MTUS2: variants seen among roughly 807,000 people sequenced by gnomAD.
MTUS2 encodes the protein microtubule associated scaffold protein 2.
A neutral mutation model predicts 114.1 loss-of-function variants in MTUS2; 40 were observed. The observed-to-expected ratio is 0.35, with a 90% CI of 0.27 to 0.46. The LOEUF is 0.46. Among genes scored for constraint, MTUS2 ranks in the 20% least tolerant of loss-of-function variants. MTUS2 has a pLI of 1.00. For synonymous variants in MTUS2, 688 were observed against 672.0 expected (o/e 1.02, Z -0.37); for missense variants, 1,679 against 1,705.4 (o/e 0.98, Z 0.27).
chr13:28,842,538 A>G (rs1875579761), intron 2 of MTUS2, among the ~76,000 whole-genome samples: 1 of 152,334 alleles, frequency 6.6e-6, no homozygotes, highest in South Asian at 2.1e-4. Flanking sequence ...TAACAGAATG[A>G]TAGGTTTGAT....
Position 29,181,368 on chromosome 13 carries a change from C to T in MTUS2, c.2644+80398C>T, listed in dbSNP as rs918021336. Among the ~76,000 whole-genome samples the T allele has an allele frequency of 4.6e-5, 7 of 152,294 alleles. No homozygotes were observed. The East Asian group carries it at 1.2e-3, about 25-fold the overall frequency. On this transcript the variant is annotated intron_variant, in intron 5 of 15. Transcript: ENST00000612955. ...AGGGCTGAGGTGGGGGCAGTTGCTG[C>T]TTGTGTCACCACCCACCAAGGTTTC...
At chr13:28,870,103 A>G (rs188542408) in intron 2 of MTUS2, among the ~76,000 whole-genome samples, 205 of 152,300 alleles carry the variant, frequency 1.3e-3, no homozygotes, top group African/African-American at 4.4e-3. Flanking sequence ...CACTTCAAAT[A>G]TTTATTGTTC....
At chr13:29,075,464 C>T (rs1889149626) in intron 4 of MTUS2, among the ~76,000 whole-genome samples, 1 of 152,204 alleles carries the variant, frequency 6.6e-6, no homozygotes, top group African/African-American at 2.4e-5. Context: ...CTCAAGATCT[C>T]CTTTCAGTTA....
chr13:29,218,341 A>G (rs1230127450), intron 5 of MTUS2, among the ~76,000 whole-genome samples: 1 of 152,198 alleles, frequency 6.6e-6, no homozygotes, highest in Non-Finnish European at 1.5e-5. Context: ...TATTTCTACC[A>G]CACACAGTGA....
intron 2 of MTUS2, among the ~76,000 whole-genome samples, chr13:29,009,914 G>A (rs898246294): frequency 1.3e-5 from 2 of 151,888 alleles, no homozygotes; most frequent in Non-Finnish European, 2.9e-5. Flanking sequence ...GAGTGTGGAG[G>A]ATAAAAAGCT....
At chr13:29,149,310 G>T (rs1306822278) in intron 5 of MTUS2, among the ~76,000 whole-genome samples, 1 of 152,016 alleles carries the variant, frequency 6.6e-6, no homozygotes, top group African/African-American at 2.4e-5. Flanking sequence ...TTTGTTGGCC[G>T]CATGTATGTC....
intron 6 of MTUS2, among the ~76,000 whole-genome samples, chr13:29,315,768 G>A (rs1593293824): frequency 6.6e-6 from 1 of 152,226 alleles, no homozygotes; most frequent in East Asian, 1.9e-4. Flanking sequence ...TGAATAATAA[G>A]TGAGGTGAAG....
chr13:29,369,367 A>G (rs539113517), intron 8 of MTUS2, among the ~76,000 whole-genome samples: 2 of 152,310 alleles, frequency 1.3e-5, no homozygotes, highest in South Asian at 4.1e-4. Context: ...ACTCATGTCA[A>G]GTATTACCTT....
At position 29,497,344 on chromosome 13, in the gene MTUS2, C is replaced by T. The variant is rs1882618655; in HGVS notation, c.3678+8C>T. 6.2e-7 allele frequency: 1 copy of T among 1,607,778 alleles called. No individual in the cohort carries two copies. The highest frequency in any genetic ancestry group is 1.3e-5 in the African/African-American group (1 of 74,894). On this transcript the variant is annotated splice_region_variant and intron_variant, in intron 13 of 15. Coordinates refer to ENST00000612955, the MANE Select transcript of MTUS2 (RefSeq NM_001033602.4). ...ACAGAGGAGCAGCTGGAGGTCGTTT[C>T]TGGATTCCAGGCTTCCAGCCCCGCA...
chr13:28,973,029 T>C (rs1265152786), intron 2 of MTUS2, among the ~76,000 whole-genome samples: 10 of 152,206 alleles, frequency 6.6e-5, no homozygotes, highest in African/African-American at 2.4e-4. Flanking sequence ...TAGTTCTATT[T>C]TGTATGTTTA....
chr13:29,038,153 T>C (rs997204401), intron 4 of MTUS2, among the ~76,000 whole-genome samples: 5 of 152,256 alleles, frequency 3.3e-5, no homozygotes, highest in Non-Finnish European at 4.4e-5. Context: ...CATGGATTTA[T>C]CTACCTTTGT....
chr13:28,837,214 C>T (rs1353772501), intron 1 of MTUS2, among the ~76,000 whole-genome samples: 1 of 152,138 alleles, frequency 6.6e-6, no homozygotes, highest in Non-Finnish European at 1.5e-5. Flanking sequence ...CAACAATCAG[C>T]CTCAGGGTGG....
intron 2 of MTUS2, among the ~76,000 whole-genome samples, chr13:28,923,590 C>A (rs1440824740): frequency 6.6e-6 from 1 of 152,208 alleles, no homozygotes; most frequent in African/African-American, 2.4e-5. Context: ...GGACGCCTTG[C>A]CCCTCTAGAC....
intron 3 of MTUS2, among the ~76,000 whole-genome samples, chr13:29,032,198 T>A (rs1322169281): frequency 6.6e-6 from 1 of 152,138 alleles, no homozygotes; most frequent in Non-Finnish European, 1.5e-5. Flanking sequence ...TTTCCCCCTT[T>A]TAAAGAATTT....
chr13:29,022,151 G>A (rs556842755), intron 2 of MTUS2, among the ~76,000 whole-genome samples: 2 of 152,298 alleles, frequency 1.3e-5, no homozygotes, highest in South Asian at 4.1e-4. Context: ...GTATGGGCTA[G>A]AAGAGGCAAA....
intron 2 of MTUS2, among the ~76,000 whole-genome samples, chr13:28,902,927 T>C (rs1879731916): frequency 6.6e-6 from 1 of 152,200 alleles, no homozygotes; most frequent in Non-Finnish European, 1.5e-5. Context: ...GGTGGAATTC[T>C]CCAGTGAAAT....
chr13:29,378,118 G>A (rs1871893432), intron 8 of MTUS2, among the ~76,000 whole-genome samples: 1 of 152,100 alleles, frequency 6.6e-6, no homozygotes. Context: ...TTAGAGATGG[G>A]GGAGTGTGTG....
At chr13:29,018,050 A>T (rs1886139166) in intron 2 of MTUS2, among the ~76,000 whole-genome samples, 1 of 152,166 alleles carries the variant, frequency 6.6e-6, no homozygotes, top group Non-Finnish European at 1.5e-5. Context: ...TTCCACCTCT[A>T]CCTGTTTGGT....
rs17073329 is a variant in MTUS2 at position 29,396,951 on chromosome 13, C to T, written c.3117+37478C>T. 8.2e-3 allele frequency among the ~76,000 whole-genome samples: 1,251 copies of T among 152,302 alleles called. 16 individuals are homozygous for T. The highest frequency in any genetic ancestry group is 0.028 in the African/African-American group (1,171 of 41,562). Reference sequence around the variant, plus strand: ...CTTTGCCTGTGGGTACCTCATCCCTCTTATGAACTTCCTTAGAGGCAGAGT... The same window carrying T: ...CTTTGCCTGTGGGTACCTCATCCCTTTTATGAACTTCCTTAGAGGCAGAGT... On this transcript the variant is annotated intron_variant, in intron 8 of 15. Coordinates refer to ENST00000612955, the MANE Select transcript of MTUS2 (RefSeq NM_001033602.4).
Sources: allele counts gnomAD v4.1 joint callset (sites outside exome capture counted in the v4.1 genomes callset), GRCh38; gene constraint gnomAD v4.1.1; transcripts MANE v1.5; gene names NCBI Gene and HGNC (gene_info 2026-07-23, HGNC 2026-07-21).